Variants in IGF1R observed in about 807,000 individuals in gnomAD.
IGF1R encodes insulin like growth factor 1 receptor.
A neutral mutation model predicts 144.6 loss-of-function variants in IGF1R; 44 were observed. The ratio of observed to expected loss-of-function variants is 0.30; its 90% CI spans 0.24 to 0.39. The LOEUF (loss-of-function observed/expected upper bound fraction) is 0.39, where lower values mean the gene tolerates loss of function less well. IGF1R is among the 10% of genes least tolerant of loss of function. The pLI, the probability that IGF1R is intolerant of heterozygous loss-of-function variation, is 1.00. For missense variants in IGF1R, 1,355 were observed against 1,833.7 expected, an observed-to-expected ratio of 0.74 and a Z score of 4.77; for synonymous variants, 795 against 722.8, an observed-to-expected ratio of 1.10 and a Z score of -1.60.
intron 19 of IGF1R, among the ~76,000 whole-genome samples, chr15:98,945,359 T>C (rs2016512461): frequency 6.6e-6 from 1 of 152,302 alleles, no homozygotes; most frequent in Admixed American, 6.5e-5. Context: ...CCCCTCCTGG[T>C]GTGGGGAAGT....
At chr15:98,829,368 T>A (rs1305517391) in intron 2 of IGF1R, among the ~76,000 whole-genome samples, 2 of 147,724 alleles carry the variant, frequency 1.4e-5, no homozygotes, top group South Asian at 2.1e-4. Context: ...GCTATTACTT[T>A]AAAAAAAAAA....
At chr15:98,778,172 C>T (rs2055768159) in intron 2 of IGF1R, among the ~76,000 whole-genome samples, 1 of 152,140 alleles carries the variant, frequency 6.6e-6, no homozygotes, top group Non-Finnish European at 1.5e-5. Flanking sequence ...TCCCCAAGGG[C>T]AACTGAAGCC....
intron 3 of IGF1R, among the ~76,000 whole-genome samples, chr15:98,896,139 T>G (rs1259552743): frequency 6.6e-6 from 1 of 152,182 alleles, no homozygotes; most frequent in Non-Finnish European, 1.5e-5. Context: ...AAAAGCAACA[T>G]TTGGATCAAT....
rs2017243175 is a variant in IGF1R at position 98,961,926 on chromosome 15, A to G, written c.*4484A>G. The G allele has an allele frequency of 8.6e-6, 2 of 233,222 alleles. No homozygotes were observed. Among genetic ancestry groups the G allele is most frequent in the African/African-American group, 2.2e-5 (1 of 45,358 alleles). 14.4% of individuals were successfully genotyped at this position (233,222 alleles called of 1,614,324 possible). A position where few individuals can be genotyped will look rare whatever the true frequency, so the allele number is the denominator to read the frequency against. On this transcript the variant is annotated 3_prime_UTR_variant, in exon 21 of 21. Coordinates refer to ENST00000650285, the MANE Select transcript of IGF1R (RefSeq NM_000875.5). Reference sequence around the variant, plus strand: ...GAAAAGTGGCTTCGTAAAATAGAAGAGCAGTCACTGTGGAACTACCAAATG... The same window carrying G: ...GAAAAGTGGCTTCGTAAAATAGAAGGGCAGTCACTGTGGAACTACCAAATG...
intron 2 of IGF1R, among the ~76,000 whole-genome samples, chr15:98,758,003 T>A (rs2055197005): frequency 6.6e-6 from 1 of 152,196 alleles, no homozygotes; most frequent in East Asian, 1.9e-4. Flanking sequence ...TTACTAATTC[T>A]TCCACCAGGG....
At chr15:98,850,750 G>GT (rs1567160842) in intron 2 of IGF1R, among the ~76,000 whole-genome samples, 1 of 152,130 alleles carries the variant, frequency 6.6e-6, no homozygotes, top group African/African-American at 2.4e-5. Flanking sequence ...CTTGGTGGGG[G>GT]GGGGTACCAT....
intron 20 of IGF1R, among the ~76,000 whole-genome samples, chr15:98,949,440 G>T (rs976737716): frequency 1.3e-5 from 2 of 149,560 alleles, no homozygotes; most frequent in Non-Finnish European, 3.0e-5. Flanking sequence ...GTGCATTGGC[G>T]TGATCTTGGC....
intron 13 of IGF1R, among the ~76,000 whole-genome samples, chr15:98,926,366 T>C (rs1374370962): frequency 1.3e-5 from 2 of 151,392 alleles, no homozygotes; most frequent in Non-Finnish European, 3.0e-5. Flanking sequence ...TTCAGTTAGA[T>C]AGGAGGAATA....
At chr15:98,955,810 C>G (rs558036302) in intron 20 of IGF1R, among the ~76,000 whole-genome samples, 5 of 152,390 alleles carry the variant, frequency 3.3e-5, no homozygotes, top group Non-Finnish European at 4.4e-5. Flanking sequence ...GCCACCCTGA[C>G]AGGAGGCTAG....
At chr15:98,814,653 A>T (rs2056658575) in intron 2 of IGF1R, among the ~76,000 whole-genome samples, 1 of 152,218 alleles carries the variant, frequency 6.6e-6, no homozygotes, top group Non-Finnish European at 1.5e-5. Flanking sequence ...CAGCCTGTTT[A>T]TATGGTTTTA....
At chr15:98,762,445 C>T (rs184470517) in intron 2 of IGF1R, among the ~76,000 whole-genome samples, 57 of 152,216 alleles carry the variant, frequency 3.7e-4, no homozygotes, top group Admixed American at 1.7e-3. Flanking sequence ...ACATATATTC[C>T]GGCCAGGCAT....
intron 1 of IGF1R, among the ~76,000 whole-genome samples, chr15:98,674,110 C>T (rs1182897545): frequency 2.3e-5 from 3 of 131,782 alleles, no homozygotes; most frequent in Non-Finnish European, 5.1e-5. Context: ...AAAGTCTCAG[C>T]TTTTTGAGAG....
chr15:98,821,518 G>A (rs1275574098), intron 2 of IGF1R, among the ~76,000 whole-genome samples: 2 of 151,710 alleles, frequency 1.3e-5, no homozygotes, highest in Non-Finnish European at 2.9e-5. Context: ...GAGTCGAAGG[G>A]GAAGGGGTGG....
At chr15:98,925,836 A>T (rs181097491) in intron 13 of IGF1R, among the ~76,000 whole-genome samples, 1 of 152,314 alleles carries the variant, frequency 6.6e-6, no homozygotes, top group African/African-American at 2.4e-5. Flanking sequence ...CCTGGGAGGC[A>T]GAGGTTGCAG....
At chr15:98,711,090 T>G (rs2053980925) in intron 2 of IGF1R, among the ~76,000 whole-genome samples, 2 of 152,220 alleles carry the variant, frequency 1.3e-5, no homozygotes, top group Admixed American at 1.3e-4. Flanking sequence ...CCTCATCATC[T>G]TTTTGGCTGA....
intron 2 of IGF1R, among the ~76,000 whole-genome samples, chr15:98,801,088 G>A (rs2056352653): frequency 1.3e-5 from 2 of 152,026 alleles, no homozygotes; most frequent in African/African-American, 2.4e-5. Flanking sequence ...TGTCATCCCC[G>A]GGGACCTTGC....
At position 98,768,934 on chromosome 15, in the gene IGF1R, AACAACAACAAC is replaced by A. The variant is rs2055512014; in HGVS notation, c.640+60829_640+60839del. ...CAGAGTGAGATTCCGTCTCAAAAAC[AACAACAACAAC>A]AACAACAACAACAACACCTCACAAC... On this transcript the variant is annotated intron_variant, in intron 2 of 20. Coordinates refer to ENST00000650285, the MANE Select transcript of IGF1R (RefSeq NM_000875.5). Among the ~76,000 whole-genome samples, 9 of 53,170 alleles carry A rather than the reference AACAACAACAAC, an allele frequency of 1.7e-4. No homozygotes were observed. The East Asian group carries it at 1.8e-3, about 11-fold the overall frequency. 34.9% of individuals were successfully genotyped at this position (53,170 alleles called of 152,430 possible).
chr15:98,764,816 T>C (rs1344455891), intron 2 of IGF1R, among the ~76,000 whole-genome samples: 1 of 152,154 alleles, frequency 6.6e-6, no homozygotes, highest in Non-Finnish European at 1.5e-5. Flanking sequence ...AGAGGTAAAA[T>C]TCATATGACA....
chr15:98,899,391 T>G, intron 4 of IGF1R, 86 bp from the exon 5 acceptor site: 2 of 1,400,884 alleles, frequency 1.4e-6, no homozygotes, highest in Non-Finnish European at 2.0e-6. Flanking sequence ...TGCCGTTGAA[T>G]TGTTCTCACT....
Sources: gnomAD v4.1 joint callset for allele counts (sites outside exome capture counted in the v4.1 genomes callset) on GRCh38, gnomAD v4.1.1 for gene constraint, MANE v1.5 for transcripts, NCBI Gene and HGNC (gene_info 2026-07-23, HGNC 2026-07-21) for gene names.